Variants in SCRG1 observed in about 807,000 individuals in gnomAD.
SCRG1 encodes scrapie-responsive protein 1.
In SCRG1, 3 loss-of-function variants were observed where a neutral mutation model predicts 7.7. That is an observed-to-expected ratio of 0.39 (90% CI 0.18 to 1.01). SCRG1 has a LOEUF of 1.01. Among genes scored for constraint, SCRG1 ranks in the 50% least tolerant of loss-of-function variants. The probability of loss-of-function intolerance (pLI) is 0.36; values close to 1 mark genes in which losing one functional copy is unlikely to be tolerated. For synonymous variants in SCRG1, 46 were observed against 41.2 expected, an observed-to-expected ratio of 1.12 and a Z score of -0.44; for missense variants, 110 against 117.2, an observed-to-expected ratio of 0.94 and a Z score of 0.28.
the SCRG1 span, among the ~76,000 whole-genome samples, chr4:173,513,407 A>G: frequency 6.6e-6 from 1 of 152,140 alleles, no homozygotes; most frequent in African/African-American, 2.4e-5. Flanking sequence ...TTTTTTATTT[A>G]AACTTAAAGT....
the SCRG1 span, among the ~76,000 whole-genome samples, chr4:173,429,186 T>C: frequency 2.6e-5 from 4 of 152,240 alleles, no homozygotes; most frequent in Non-Finnish European, 5.9e-5. Context: ...CTGGATTTCT[T>C]TGAGAATGAG....
At chr4:173,457,560 G>T in the SCRG1 span, among the ~76,000 whole-genome samples, 2 of 152,106 alleles carry the variant, frequency 1.3e-5, no homozygotes, top group East Asian at 3.9e-4. Flanking sequence ...TCTCTTTCCC[G>T]AGAGGTGTCT....
rs1471895667 is a variant in SCRG1 at position 173,388,086 on chromosome 4, GTA to G, written c.*253_*254del. 2.6e-6 allele frequency: 1 copy of G among 384,860 alleles called. No homozygotes were observed. Among genetic ancestry groups the G allele is most frequent in the African/African-American group, 2.1e-5 (1 of 47,934 alleles). The allele number at this position is 384,860 out of a possible 1,614,324, so 23.8% of individuals were successfully genotyped here. On this transcript the variant is annotated 3_prime_UTR_variant, in exon 3 of 3. Coordinates refer to ENST00000296506, the MANE Select transcript of SCRG1 (RefSeq NM_007281.4). ...CTGGGGGACAGAACTCTTTAACTGA[GTA>G]TAATGAACACCTCATAGATTACATT...
chr4:173,386,244 C>G lies in SCRG1; in HGVS notation c.*2097G>C. 6.6e-6 allele frequency: 1 copy of G among 152,294 alleles called. No individual in the cohort carries two copies. Among genetic ancestry groups the G allele is most frequent in the East Asian group, 1.9e-4 (1 of 5,208 alleles). The allele number at this position is 152,294 out of a possible 1,614,324, so 9.4% of individuals were successfully genotyped here. ...CCACCTCCTGGGTTCACGCCATTCT[C>G]CTGCCTCAGCCTCCCAAATAGCTGG... On this transcript the variant is annotated 3_prime_UTR_variant, in exon 3 of 3. Transcript: ENST00000296506.
intron 2 of SCRG1, chr4:173,389,705 C>T (rs1276113067): frequency 1.6e-5 from 3 of 188,508 alleles, no homozygotes; most frequent in Non-Finnish European, 3.5e-5. Context: ...ACTTTGAGAA[C>T]CAGCTGGCTT....
the SCRG1 span, among the ~76,000 whole-genome samples, chr4:173,473,159 T>A: frequency 6.6e-6 from 1 of 152,238 alleles, no homozygotes; most frequent in African/African-American, 2.4e-5. Context: ...CAAACTTTAG[T>A]TGAGTATCTA....
At chr4:173,441,957 A>G in the SCRG1 span, among the ~76,000 whole-genome samples, 1 of 152,260 alleles carries the variant, frequency 6.6e-6, no homozygotes, top group African/African-American at 2.4e-5. Context: ...TAAAATCCAT[A>G]GCAAAGGAGA....
the SCRG1 span, chr4:173,420,133 C>T: frequency 5.6e-6 from 3 of 535,900 alleles, no homozygotes; most frequent in South Asian, 2.8e-5. Context: ...TTTAACAAAC[C>T]CCATCCTGCA....
At chr4:173,421,400 T>A in the SCRG1 span, among the ~76,000 whole-genome samples, 3 of 78,260 alleles carry the variant, frequency 3.8e-5, no homozygotes, top group Non-Finnish European at 5.5e-5. Flanking sequence ...TGTTTCTCTG[T>A]TTTGGTTTAG....
the SCRG1 span, among the ~76,000 whole-genome samples, chr4:173,517,887 C>T: frequency 6.6e-6 from 1 of 152,242 alleles, no homozygotes; most frequent in Non-Finnish European, 1.5e-5. Context: ...AAGCTCCCTC[C>T]TGGGCAGGGC....
At chr4:173,405,298 C>A (rs1296851934) in intron 1 of SCRG1, among the ~76,000 whole-genome samples, 1 of 152,180 alleles carries the variant, frequency 6.6e-6, no homozygotes, top group Non-Finnish European at 1.5e-5. Context: ...AAGAGGACCA[C>A]AGAGTTAAAG....
At chr4:173,483,810 TGTA>T in the SCRG1 span, among the ~76,000 whole-genome samples, 4 of 82,400 alleles carry the variant, frequency 4.9e-5, 1 homozygote, top group East Asian at 6.9e-4. Context: ...ATATATGATA[TGTA>T]ATATATATAA....
chr4:173,409,195 A>C (rs1462680613), upstream of SCRG1, among the ~76,000 whole-genome samples: 1 of 152,154 alleles, frequency 6.6e-6, no homozygotes, highest in Non-Finnish European at 1.5e-5. Context: ...TAAGGAATTC[A>C]GGAGAGAATC....
At chr4:173,499,470 G>C in the SCRG1 span, among the ~76,000 whole-genome samples, 2 of 152,226 alleles carry the variant, frequency 1.3e-5, no homozygotes, top group African/African-American at 4.8e-5. This position sits in a 1 kb window ranked among gnomAD's most constrained non-coding sequence, Gnocchi z 4.1. Context: ...AGTTGATAAG[G>C]AAGAGGAGCT....
Position 173,388,041 on chromosome 4 carries a change from C to T in SCRG1, c.*300G>A. ...ACTGAAAGTATTTTCAATCCTTGAG[C>T]CATGCCTATGGCTCTTCATCTGGGG... On this transcript the variant is annotated 3_prime_UTR_variant, in exon 3 of 3. Transcript: ENST00000296506. 3.6e-6 allele frequency: 1 copy of T among 274,994 alleles called. No individual in the cohort carries two copies. The highest frequency in any genetic ancestry group is 6.7e-6 in the Non-Finnish European group (1 of 148,942). 17.0% of individuals were successfully genotyped at this position (274,994 alleles called of 1,614,324 possible).
At chr4:173,511,970 C>T in the SCRG1 span, among the ~76,000 whole-genome samples, 4 of 152,214 alleles carry the variant, frequency 2.6e-5, no homozygotes, top group Admixed American at 2.6e-4. The surrounding 1 kb of genome is among the most constrained non-coding windows in gnomAD (Gnocchi z 5.2). Flanking sequence ...CAAGTCTACT[C>T]ATGGTCACAT....
the SCRG1 span, among the ~76,000 whole-genome samples, chr4:173,467,196 T>C: frequency 6.6e-6 from 1 of 151,174 alleles, no homozygotes; most frequent in Non-Finnish European, 1.5e-5. Context: ...TAATTCCCTC[T>C]ATTCTTGTCT....
At position 173,386,015 on chromosome 4, in the gene SCRG1, A is replaced by G. The variant is rs1739232923; in HGVS notation, c.*2326T>C. On this transcript the variant is annotated 3_prime_UTR_variant, in exon 3 of 3. Transcript: ENST00000296506. The stretch of plus-strand genomic sequence containing the variant: ...AGAAAGGCCAATCAAATCACATGCT[A>G]TCTTGATAAAACAACTAATATTATC... 1 of 152,258 alleles carries G rather than the reference A, an allele frequency of 6.6e-6. No homozygotes were observed. Among genetic ancestry groups the G allele is most frequent in the Non-Finnish European group, 1.5e-5 (1 of 68,042 alleles). 9.4% of individuals were successfully genotyped at this position (152,258 alleles called of 1,614,324 possible). A position where few individuals can be genotyped will look rare whatever the true frequency, so the allele number is the denominator to read the frequency against.
At chr4:173,392,014 T>G (rs1739463370) in intron 1 of SCRG1, among the ~76,000 whole-genome samples, 2 of 152,204 alleles carry the variant, frequency 1.3e-5, no homozygotes, top group Non-Finnish European at 2.9e-5. Context: ...TTTTGAACAT[T>G]CAGTAGAGAA....
Sources: gnomAD v4.1 joint callset for allele counts (sites outside exome capture counted in the v4.1 genomes callset) on GRCh38, gnomAD v4.1.1 for gene constraint, Gnocchi (gnomAD v3.1) non-coding constraint, MANE v1.5 for transcripts, NCBI Gene and HGNC (gene_info 2026-07-23, HGNC 2026-07-21) for gene names.